The following SLC24A2 variants were observed in gnomAD, a reference collection of about 807,000 sequenced individuals.
SLC24A2 encodes solute carrier family 24 member 2, also known as sodium/potassium/calcium exchanger 2.
SLC24A2 carries 36 observed loss-of-function variants against 62.0 expected under a neutral mutation model. The ratio of observed to expected loss-of-function variants is 0.58; its 90% CI spans 0.44 to 0.77. The LOEUF (loss-of-function observed/expected upper bound fraction) is 0.77, where lower values mean the gene tolerates loss of function less well. SLC24A2 is among the 30% of genes least tolerant of loss of function. SLC24A2 has a pLI of 0.00. For missense variants in SLC24A2, 846 were observed against 817.9 expected (o/e 1.03, Z -0.42); for synonymous variants, 358 against 294.0 (o/e 1.22, Z -2.23).
the SLC24A2 span, among the ~76,000 whole-genome samples, chr9:19,850,512 A>G: frequency 6.6e-6 from 1 of 152,142 alleles, no homozygotes; most frequent in African/African-American, 2.4e-5. Context: ...TTTAAAGTGT[A>G]CAATTCAATG....
chr9:19,795,268 C>G, the SLC24A2 span, among the ~76,000 whole-genome samples: 1 of 149,716 alleles, frequency 6.7e-6, no homozygotes, highest in Admixed American at 6.7e-5. Flanking sequence ...CAGGCACCCC[C>G]CACCACCCCC....
chr9:19,621,960 A>G (rs767316935), intron 3 of SLC24A2, among the ~76,000 whole-genome samples: 11 of 152,202 alleles, frequency 7.2e-5, no homozygotes, highest in Admixed American at 1.3e-4. Flanking sequence ...TTAGTTCAAC[A>G]TCCCTTGGAA....
chr9:20,223,555 G>T, the SLC24A2 span, among the ~76,000 whole-genome samples: 2 of 151,942 alleles, frequency 1.3e-5, no homozygotes, highest in Non-Finnish European at 2.9e-5. Flanking sequence ...AAAATGAATA[G>T]TTTGGTGCTA....
chr9:19,939,393 T>C, the SLC24A2 span, among the ~76,000 whole-genome samples: 1 of 152,244 alleles, frequency 6.6e-6, no homozygotes, highest in South Asian at 2.1e-4. Context: ...GTAGGAATAC[T>C]GTAGGCAATT....
chr9:20,047,929 C>T, the SLC24A2 span, among the ~76,000 whole-genome samples: 1 of 151,566 alleles, frequency 6.6e-6, no homozygotes, highest in Admixed American at 6.6e-5. Context: ...TAATAGTAGT[C>T]GTAGGCAGAT....
At chr9:19,660,524 C>T (rs577128016) in intron 2 of SLC24A2, among the ~76,000 whole-genome samples, 1 of 152,072 alleles carries the variant, frequency 6.6e-6, no homozygotes, top group Non-Finnish European at 1.5e-5. Context: ...TTGGGAAGGA[C>T]TGCTGTCATT....
chr9:20,018,640 A>G, the SLC24A2 span, among the ~76,000 whole-genome samples: 65 of 152,334 alleles, frequency 4.3e-4, 1 homozygote, highest in South Asian at 0.013. Flanking sequence ...TAAATTTCAG[A>G]TAACAGTAAC....
chr9:19,781,239 G>A (rs2118928724), intron 2 of SLC24A2, among the ~76,000 whole-genome samples: 1 of 152,250 alleles, frequency 6.6e-6, no homozygotes, highest in South Asian at 2.1e-4. Flanking sequence ...AGTAGCAAGA[G>A]AATAGCTTAA....
chr9:20,042,723 ATATC>A, the SLC24A2 span, among the ~76,000 whole-genome samples: 336 of 152,288 alleles, frequency 2.2e-3, 2 homozygotes, highest in Non-Finnish European at 2.9e-3. Flanking sequence ...TGTGGCAACA[ATATC>A]TATGTGCCAT....
At chr9:20,130,748 T>C in the SLC24A2 span, among the ~76,000 whole-genome samples, 36 of 152,112 alleles carry the variant, frequency 2.4e-4, 1 homozygote, top group Admixed American at 4.6e-4. Flanking sequence ...GAATGTGTTG[T>C]AGGATGCAGA....
At chr9:19,876,942 T>C in the SLC24A2 span, among the ~76,000 whole-genome samples, 4 of 152,138 alleles carry the variant, frequency 2.6e-5, no homozygotes, top group East Asian at 7.7e-4. Context: ...ATTTTCTTCA[T>C]TAGGAGAAAT....
chr9:19,565,447 T>TG (rs1194071174), intron 7 of SLC24A2, among the ~76,000 whole-genome samples: 2 of 150,934 alleles, frequency 1.3e-5, no homozygotes, highest in Non-Finnish European at 2.9e-5. Flanking sequence ...TACAAACCAC[T>TG]GCTCAATGAA....
At chr9:20,118,180 A>C in the SLC24A2 span, among the ~76,000 whole-genome samples, 1 of 145,830 alleles carries the variant, frequency 6.9e-6, no homozygotes, top group Non-Finnish European at 1.5e-5. Context: ...GCTGGTGAGA[A>C]TCGAAAGAAA....
chr9:19,835,877 T>C, the SLC24A2 span, among the ~76,000 whole-genome samples: 9 of 152,322 alleles, frequency 5.9e-5, no homozygotes, highest in South Asian at 1.9e-3. Context: ...ACAAACTGTC[T>C]CTTAGACAAC....
At chr9:19,878,690 T>C in the SLC24A2 span, among the ~76,000 whole-genome samples, 25 of 152,088 alleles carry the variant, frequency 1.6e-4, no homozygotes, top group Non-Finnish European at 2.9e-4. Context: ...GCCCTGGCCA[T>C]GTAAGACCTG....
At chr9:20,199,966 G>C in the SLC24A2 span, among the ~76,000 whole-genome samples, 5 of 149,570 alleles carry the variant, frequency 3.3e-5, no homozygotes, top group Admixed American at 3.4e-4. Flanking sequence ...CCTGACCTCA[G>C]GTGATCCGCC....
the SLC24A2 span, among the ~76,000 whole-genome samples, chr9:20,234,861 G>A: frequency 1.3e-4 from 20 of 152,100 alleles, no homozygotes; most frequent in Non-Finnish European, 2.9e-4. Context: ...GTGGTTTTGT[G>A]TACCTTTGGT....
chr9:20,088,232 T>A, the SLC24A2 span, among the ~76,000 whole-genome samples: 1 of 152,214 alleles, frequency 6.6e-6, no homozygotes, highest in Non-Finnish European at 1.5e-5. Flanking sequence ...TCTCACAGGA[T>A]AAGATCCACT....
chr9:20,155,128 T>C, the SLC24A2 span, among the ~76,000 whole-genome samples: 1 of 118,998 alleles, frequency 8.4e-6, no homozygotes, highest in Non-Finnish European at 1.6e-5. Flanking sequence ...TCTGCCCAAC[T>C]GGAAAAAAAA....
Sources: gnomAD v4.1 joint callset for allele counts (sites outside exome capture counted in the v4.1 genomes callset) on GRCh38, gnomAD v4.1.1 for gene constraint, MANE v1.5 for transcripts, NCBI Gene and HGNC (gene_info 2026-07-23, HGNC 2026-07-21) for gene names.